Variants in DENND1A observed in about 807,000 individuals in gnomAD.
DENND1A encodes DENN domain-containing protein 1A.
A neutral mutation model predicts 113.7 loss-of-function variants in DENND1A; 51 were observed. The ratio of observed to expected loss-of-function variants is 0.45; its 90% CI spans 0.36 to 0.57. The LOEUF is 0.57. Ranked by LOEUF, DENND1A falls within the 20% of genes least tolerant of loss-of-function variation. The probability of loss-of-function intolerance (pLI) is 0.00; values close to 1 mark genes in which losing one functional copy is unlikely to be tolerated. For synonymous variants in DENND1A, 565 were observed against 570.8 expected (o/e 0.99, Z 0.14); for missense variants, 1,258 against 1,395.9 (o/e 0.90, Z 1.57).
chr9:123,587,150 A>G (rs939573496), intron 11 of DENND1A, among the ~76,000 whole-genome samples: 5 of 151,982 alleles, frequency 3.3e-5, no homozygotes, highest in African/African-American at 1.2e-4. Flanking sequence ...AGGCGGGGGT[A>G]GGTTAGTGAG....
rs112345204 is a variant in DENND1A at position 123,540,128 on chromosome 9, T to C, written c.993+17442A>G. ...TTGTATCTACCCAACTGTTTCCTCATAGGACAAAATGTAAACTCAGCTATA... is the reference window on the plus strand; with the variant it reads ...TTGTATCTACCCAACTGTTTCCTCACAGGACAAAATGTAAACTCAGCTATA... On this transcript the variant is annotated intron_variant, in intron 13 of 23. Coordinates refer to ENST00000394215, the MANE Select transcript of DENND1A (RefSeq NM_001352964.2). 4.2e-3 allele frequency among the ~76,000 whole-genome samples: 635 copies of C among 152,300 alleles called. 6 individuals carry two copies. Among genetic ancestry groups the C allele is most frequent in the African/African-American group, 0.015 (605 of 41,562 alleles).
At chr9:123,511,541 ATGG>A (rs1006941398) in intron 13 of DENND1A, among the ~76,000 whole-genome samples, 1 of 152,242 alleles carries the variant, frequency 6.6e-6, no homozygotes, top group African/African-American at 2.4e-5. Context: ...TTGGCTGAGG[ATGG>A]TGAAGTTAGC....
chr9:123,638,110 C>A (rs2061816213), intron 9 of DENND1A, among the ~76,000 whole-genome samples: 1 of 152,060 alleles, frequency 6.6e-6, no homozygotes. Flanking sequence ...AAGCTATCTA[C>A]TAGAGTAATT....
At chr9:123,893,109 T>TAA (rs571378557) in intron 1 of DENND1A, among the ~76,000 whole-genome samples, 4 of 146,704 alleles carry the variant, frequency 2.7e-5, no homozygotes, top group Admixed American at 6.8e-5. Flanking sequence ...TATATGTTTT[T>TAA]AAAAAAAAAA....
At chr9:123,424,032 G>T (rs1013610792) in intron 19 of DENND1A, among the ~76,000 whole-genome samples, 4 of 152,190 alleles carry the variant, frequency 2.6e-5, no homozygotes, top group Non-Finnish European at 5.9e-5. Flanking sequence ...CTGGGGAGAG[G>T]GGGTGGAGTA....
At chr9:123,648,640 G>A (rs2062469460) in intron 9 of DENND1A, among the ~76,000 whole-genome samples, 1 of 152,106 alleles carries the variant, frequency 6.6e-6, no homozygotes, top group African/African-American at 2.4e-5. Flanking sequence ...ATGAATAAAA[G>A]TTCACGATTT....
rs1329566755 is a variant in DENND1A at position 123,674,360 on chromosome 9, A to T, written c.372+2360T>A. On this transcript the variant is annotated intron_variant, in intron 6 of 23. Coordinates refer to ENST00000394215, the MANE Select transcript of DENND1A (RefSeq NM_001352964.2). Reference sequence around the variant, plus strand: ...CTCTCTCTCACACACACACACACACACACACACACACACACACACACACAC... The same window carrying T: ...CTCTCTCTCACACACACACACACACTCACACACACACACACACACACACAC... Among the ~76,000 whole-genome samples, 788 of 135,550 alleles carry T rather than the reference A, an allele frequency of 5.8e-3. 5 individuals are homozygous for T. Among genetic ancestry groups the T allele is most frequent in the African/African-American group, 0.026 (719 of 27,454 alleles). The allele number at this position is 135,550 out of a possible 152,430, so 88.9% of individuals were successfully genotyped here. A position where few individuals can be genotyped will look rare whatever the true frequency, so the allele number is the denominator to read the frequency against.
intron 1 of DENND1A, among the ~76,000 whole-genome samples, chr9:123,902,858 G>A (rs1588157235): frequency 3.0e-5 from 4 of 132,758 alleles, no homozygotes; most frequent in East Asian, 2.2e-4. Flanking sequence ...AATCCGACAA[G>A]ATTACAAAAA....
chr9:123,787,296 T>C (rs548464584), intron 3 of DENND1A, among the ~76,000 whole-genome samples: 1 of 152,326 alleles, frequency 6.6e-6, no homozygotes, highest in East Asian at 1.9e-4. Flanking sequence ...ATTATATCTA[T>C]AATTTTCTTA....
chr9:123,622,650 C>G (rs896200405), intron 10 of DENND1A, among the ~76,000 whole-genome samples: 1 of 152,184 alleles, frequency 6.6e-6, no homozygotes, highest in Non-Finnish European at 1.5e-5. Context: ...ATTTCAAGTG[C>G]AGGCTCCACT....
intron 2 of DENND1A, among the ~76,000 whole-genome samples, chr9:123,840,556 T>G (rs1841678990): frequency 6.6e-6 from 1 of 152,208 alleles, no homozygotes; most frequent in African/African-American, 2.4e-5. Context: ...GTAAAATGTA[T>G]AGCAGAATAG....
intron 5 of DENND1A, among the ~76,000 whole-genome samples, chr9:123,717,542 A>G (rs2067057388): frequency 1.3e-5 from 2 of 152,234 alleles, no homozygotes; most frequent in Non-Finnish European, 2.9e-5. Context: ...TCTTCCACTA[A>G]GAGAAAAATT....
intron 2 of DENND1A, among the ~76,000 whole-genome samples, chr9:123,857,002 A>G (rs886712727): frequency 5.9e-5 from 9 of 152,156 alleles, no homozygotes; most frequent in African/African-American, 1.9e-4. Flanking sequence ...ACACTTTTCA[A>G]TATACACAGA....
chr9:123,393,449 C>T (rs1225129575), intron 21 of DENND1A, among the ~76,000 whole-genome samples: 2 of 152,044 alleles, frequency 1.3e-5, no homozygotes, highest in Non-Finnish European at 1.5e-5. Flanking sequence ...GAAGTTCCAG[C>T]TACTCAAGAG....
intron 2 of DENND1A, among the ~76,000 whole-genome samples, chr9:123,846,255 G>A (rs772261784): frequency 6.6e-6 from 1 of 152,154 alleles, no homozygotes; most frequent in African/African-American, 2.4e-5. Context: ...TATATAAAAT[G>A]GTGCAGCTGT....
At chr9:123,546,538 C>T (rs1286639951) in intron 13 of DENND1A, among the ~76,000 whole-genome samples, 1 of 149,700 alleles carries the variant, frequency 6.7e-6, no homozygotes, top group Non-Finnish European at 1.5e-5. Context: ...GGTGACAGAG[C>T]GAGACTCCAT....
chr9:123,550,816 C>T (rs1238687455), intron 13 of DENND1A, among the ~76,000 whole-genome samples: 1 of 152,208 alleles, frequency 6.6e-6, no homozygotes, highest in Non-Finnish European at 1.5e-5. Flanking sequence ...TACTGCTACA[C>T]ATATCCTCCA....
Position 123,495,141 on chromosome 9 carries a change from T to TCTCTCTCTCTCTCTCTCTCTCTCTCTC in DENND1A, c.994-37245_994-37244insGAGAGAGAGAGAGAGAGAGAGAGAGAG, listed in dbSNP as rs2051763656. 6.2e-4 allele frequency among the ~76,000 whole-genome samples: 87 copies of TCTCTCTCTCTCTCTCTCTCTCTCTCTC among 140,642 alleles called. 2 individuals carry two copies. The highest frequency in any genetic ancestry group is 2.2e-3 in the African/African-American group (77 of 35,498). 92.3% of individuals were successfully genotyped at this position (140,642 alleles called of 152,430 possible). A position where few individuals can be genotyped will look rare whatever the true frequency, so the allele number is the denominator to read the frequency against. ...TCTATTATGACCCATCATTGTCTCT[T>TCTCTCTCTCTCTCTCTCTCTCTCTCTC]TCTCTCTCTCTCTCTCTCTCTCTCT... On this transcript the variant is annotated intron_variant, in intron 13 of 23. Transcript: ENST00000394215.
chr9:123,655,481 G>A (rs949735958), intron 8 of DENND1A, among the ~76,000 whole-genome samples: 1 of 152,142 alleles, frequency 6.6e-6, no homozygotes, highest in Non-Finnish European at 1.5e-5. Flanking sequence ...ACTCAGTAAT[G>A]GTGAAGAACC....
Sources: allele counts gnomAD v4.1 joint callset (sites outside exome capture counted in the v4.1 genomes callset), GRCh38; gene constraint gnomAD v4.1.1; transcripts MANE v1.5; gene names NCBI Gene and HGNC (gene_info 2026-07-23, HGNC 2026-07-21).